The following VPS8 variants were observed in gnomAD, a reference collection of about 807,000 sequenced individuals.
The protein encoded by VPS8 is VPS8 subunit of CORVET complex.
Under a neutral mutation model 216.4 loss-of-function variants are expected in VPS8, and 129 were observed. The ratio of observed to expected loss-of-function variants is 0.60; its 90% CI spans 0.52 to 0.69. The LOEUF is 0.69. Ranked by LOEUF, VPS8 falls within the 30% of genes least tolerant of loss-of-function variation. The pLI, the probability that VPS8 is intolerant of heterozygous loss-of-function variation, is 0.00. For synonymous variants in VPS8, 571 were observed against 565.4 expected (o/e 1.01, Z -0.14); for missense variants, 1,531 against 1,683.5 (o/e 0.91, Z 1.59).
intron 34 of VPS8, among the ~76,000 whole-genome samples, chr3:184,933,510 G>T (rs1162121199): frequency 1.4e-5 from 2 of 147,200 alleles, no homozygotes; most frequent in Non-Finnish European, 3.0e-5. Context: ...CCATTCTGTG[G>T]CTTTTCCTTT....
intron 46 of VPS8, among the ~76,000 whole-genome samples, chr3:185,027,602 C>T (rs1278555780): frequency 2.0e-5 from 3 of 152,164 alleles, no homozygotes; most frequent in African/African-American, 7.2e-5. Context: ...AGCTGCTCCC[C>T]TACAACACTG....
chr3:184,944,482 T>G (rs1036877355), intron 36 of VPS8: 4 of 985,212 alleles, frequency 4.1e-6, no homozygotes, highest in Admixed American at 1.2e-4. Flanking sequence ...CCTGATGTGC[T>G]TACACCCAGC....
At chr3:184,825,894 C>G (rs1368535161) in intron 2 of VPS8, among the ~76,000 whole-genome samples, 3 of 147,904 alleles carry the variant, frequency 2.0e-5, no homozygotes, top group African/African-American at 7.5e-5. Flanking sequence ...CAGCAAGACT[C>G]TGTCTCAAAA....
chr3:184,869,812 C>G (rs184947571), intron 20 of VPS8, among the ~76,000 whole-genome samples: 1 of 152,096 alleles, frequency 6.6e-6, no homozygotes, highest in African/African-American at 2.4e-5. Flanking sequence ...TCACTTGAGC[C>G]TAGGAGTTTG....
chr3:184,844,241 G>A (rs1349005767), intron 8 of VPS8, among the ~76,000 whole-genome samples: 1 of 152,016 alleles, frequency 6.6e-6, no homozygotes, highest in African/African-American at 2.4e-5. Context: ...GGCCAACATG[G>A]TGAAACCCGT....
intron 7 of VPS8, among the ~76,000 whole-genome samples, chr3:184,841,584 T>C (rs1722145972): frequency 6.6e-6 from 1 of 152,212 alleles, no homozygotes. Flanking sequence ...AAGGTGGAAT[T>C]GCTTGGATTA....
At position 184,982,753 on chromosome 3, in the gene VPS8, T is replaced by C. The variant is rs907439650; in HGVS notation, c.3502+106T>C. ...ATCTTTTTCCAATAGCATATTCTTA[T>C]GATTTTTCCTTAATGAAACCATATA... On this transcript the variant is annotated intron_variant, in intron 41 of 47. Coordinates refer to ENST00000625842, the MANE Select transcript of VPS8 (RefSeq NM_001009921.3). 13 of 968,086 alleles carry C rather than the reference T, an allele frequency of 1.3e-5. No individual in the cohort carries two copies. In the African/African-American group the frequency reaches 1.6e-4, roughly 12 times the overall value. The allele number at this position is 968,086 out of a possible 1,614,324, so 60.0% of individuals were successfully genotyped here. A position where few individuals can be genotyped will look rare whatever the true frequency, so the allele number is the denominator to read the frequency against.
chr3:184,910,809 G>C (rs1398242902), intron 25 of VPS8, among the ~76,000 whole-genome samples: 2 of 152,158 alleles, frequency 1.3e-5, no homozygotes, highest in African/African-American at 4.8e-5. Context: ...AGGACAGTGT[G>C]GCTGCCTGTC....
intron 18 of VPS8, 125 bp from the exon 19 acceptor site, chr3:184,868,820 AC>A (rs1727830646): frequency 1.4e-6 from 1 of 717,136 alleles, no homozygotes; most frequent in Non-Finnish European, 2.3e-6. Context: ...CAAGATATTC[AC>A]ATAATTATTA....
intron 10 of VPS8, among the ~76,000 whole-genome samples, chr3:184,851,329 C>A (rs1053495310): frequency 1.3e-5 from 2 of 152,124 alleles, no homozygotes; most frequent in African/African-American, 4.8e-5. Flanking sequence ...TGGAGTAAGA[C>A]ACATAGGATT....
At chr3:184,850,066 C>T (rs746881164) in intron 10 of VPS8, 44 bp downstream of exon 10, 2 of 1,493,148 alleles carry the variant, frequency 1.3e-6, no homozygotes, top group Non-Finnish European at 1.8e-6. Context: ...TTTATTATGC[C>T]TTTGTGTTTA....
intron 25 of VPS8, among the ~76,000 whole-genome samples, chr3:184,902,934 A>G (rs982954499): frequency 2.0e-5 from 3 of 152,096 alleles, no homozygotes; most frequent in Non-Finnish European, 4.4e-5. Context: ...ATTTAGGTCT[A>G]TAATTCGTTT....
chr3:185,050,494 G>A (rs74806173), intron 47 of VPS8, among the ~76,000 whole-genome samples: 8 of 41,720 alleles, frequency 1.9e-4, no homozygotes, highest in African/African-American at 6.5e-4. Context: ...ACATGGACAC[G>A]TGAGCTTGTG....
chr3:184,982,251 C>G (rs960887750), intron 40 of VPS8, among the ~76,000 whole-genome samples: 5 of 152,090 alleles, frequency 3.3e-5, no homozygotes, highest in African/African-American at 1.2e-4. Flanking sequence ...TTCCTGGCTT[C>G]TTTGAACCTG....
intron 45 of VPS8, among the ~76,000 whole-genome samples, chr3:185,019,384 G>A (rs1225433341): frequency 2.0e-5 from 3 of 152,102 alleles, no homozygotes; most frequent in South Asian, 2.1e-4. Flanking sequence ...ACAGTGTGTG[G>A]AGTGGAAAAT....
rs986784689 is a variant in VPS8, at chr3:184,922,581, T to C, written c.2455-2281T>C. 5 of 323,342 alleles carry C rather than the reference T, an allele frequency of 1.5e-5. No homozygotes were observed. The Admixed American group carries it at 1.6e-4, about 10-fold the overall frequency. 20.0% of individuals were successfully genotyped at this position (323,342 alleles called of 1,614,324 possible). A position where few individuals can be genotyped will look rare whatever the true frequency, so the allele number is the denominator to read the frequency against. On this transcript the variant is annotated intron_variant, in intron 29 of 47. Coordinates refer to ENST00000625842, the MANE Select transcript of VPS8 (RefSeq NM_001009921.3). ...CTCCGTAAGTATTTGACTATTTCTG[T>C]TGGTGACTTGCCATTCTTGTATGTT...
chr3:184,990,307 AAT>A (rs150136098), intron 42 of VPS8, among the ~76,000 whole-genome samples: 1,570 of 152,162 alleles, frequency 0.01, 32 homozygotes, highest in African/African-American at 0.036. Context: ...CACACCTGTA[AAT>A]ATAAACTCTT....
At chr3:184,824,370 A>G (rs1021516952) in intron 1 of VPS8, 175 bp from the exon 2 acceptor site, 2 of 351,354 alleles carry the variant, frequency 5.7e-6, no homozygotes, top group Non-Finnish European at 1.1e-5. Context: ...TTATGCTCTC[A>G]TTGAAACCCT....
intron 5 of VPS8, among the ~76,000 whole-genome samples, chr3:184,836,040 G>A (rs1467428793): frequency 6.6e-6 from 1 of 152,134 alleles, no homozygotes; most frequent in Non-Finnish European, 1.5e-5. Context: ...ATGAGAGATT[G>A]ATACAGAATT....
Sources: allele counts gnomAD v4.1 joint callset (sites outside exome capture counted in the v4.1 genomes callset), GRCh38; gene constraint gnomAD v4.1.1; transcripts MANE v1.5; gene names NCBI Gene and HGNC (gene_info 2026-07-23, HGNC 2026-07-21).